Variants in NDC1 observed in about 807,000 individuals in gnomAD.
NDC1 encodes the protein nucleoporin NDC1.
In NDC1, 24 loss-of-function variants were observed where a neutral mutation model predicts 89.8. The observed-to-expected ratio is 0.27, with a 90% CI of 0.19 to 0.38. The LOEUF (loss-of-function observed/expected upper bound fraction) is 0.38, where lower values mean the gene tolerates loss of function less well. Among genes scored for constraint, NDC1 ranks in the 10% least tolerant of loss-of-function variants. The pLI, the probability that NDC1 is intolerant of heterozygous loss-of-function variation, is 1.00. For synonymous variants in NDC1, 296 were observed against 284.8 expected (o/e 1.04, Z -0.39); for missense variants, 728 against 797.6 (o/e 0.91, Z 1.05).
chr1:53,827,936 T>C (rs1407408309), intron 4 of NDC1, 63 bp downstream of exon 4: 1 of 1,335,142 alleles, frequency 7.5e-7, no homozygotes, highest in South Asian at 1.7e-5. Context: ...GATTAACCTA[T>C]ATAGGTCACC....
In NDC1 at chr1:53,765,605, A is replaced by C. The variant is rs1315028143; in HGVS notation, c.*2365T>G. 1 of 152,300 alleles carries C rather than the reference A, an allele frequency of 6.6e-6. No homozygotes were observed. Among genetic ancestry groups the C allele is most frequent in the East Asian group, 1.9e-4 (1 of 5,186 alleles). The allele number at this position is 152,300 out of a possible 1,614,324, so 9.4% of individuals were successfully genotyped here. A position where few individuals can be genotyped will look rare whatever the true frequency, so the allele number is the denominator to read the frequency against. ...ACAATTACCAAGGAACAAATCCTGC[A>C]AAGTAACAAATTGTTGCTTATCCAT... On this transcript the variant is annotated 3_prime_UTR_variant, in exon 18 of 18. Coordinates refer to ENST00000371429, the MANE Select transcript of NDC1 (RefSeq NM_018087.5).
At chr1:53,824,946 G>A (rs12564079) in intron 5 of NDC1, among the ~76,000 whole-genome samples, 1 of 152,052 alleles carries the variant, frequency 6.6e-6, no homozygotes, top group East Asian at 1.9e-4. Context: ...GATCAACACA[G>A]GCAGATAGCT....
intron 5 of NDC1, among the ~76,000 whole-genome samples, chr1:53,824,872 A>C (rs1466128349): frequency 6.6e-6 from 1 of 152,188 alleles, no homozygotes; most frequent in Admixed American, 6.5e-5. Flanking sequence ...CAAGGTTCTA[A>C]GTTCAAAAAG....
At position 53,806,446 on chromosome 1, in the gene NDC1, G is replaced by C. The variant is rs756920484; in HGVS notation, c.963C>G (p.Ser321Arg). ...SDECLPKVLN[S>R]NPPPIIKYLA... The stretch of plus-strand genomic sequence containing the variant: ...ATACCTTTATGATGGGGGGAGGATT[G>C]CTATTTAACACTTTTGGAAGGCACT... Residue 321 changes from serine to arginine, a missense_variant, in exon 9 of 18, where the codon AGC (serine) becomes AGG (arginine). Physicochemically the swap from Ser to Arg is moderately radical, Grantham distance 110. Coordinates refer to ENST00000371429, the MANE Select transcript of NDC1 (RefSeq NM_018087.5). The C allele has an allele frequency of 1.3e-6, 2 of 1,541,324 alleles. No individual in the cohort carries two copies. Among genetic ancestry groups the C allele is most frequent in the Non-Finnish European group, 1.7e-6 (2 of 1,151,858 alleles).
In NDC1 at chr1:53,772,120, T is replaced by C. The variant is rs1647118516; in HGVS notation, c.1961+209A>G. Among the ~76,000 whole-genome samples the C allele has an allele frequency of 2.0e-5, 3 of 152,266 alleles. No individual in the cohort carries two copies. In the South Asian group the frequency reaches 6.2e-4, roughly 32 times the overall value. ...ATTTATAACTTTCTGTCTTCTTTTG[T>C]CCATTTGAAAGAAATCCCCAAAGCT... On this transcript the variant is annotated intron_variant, in intron 17 of 17. Transcript: ENST00000371429.
intron 5 of NDC1, 35 bp from the exon 6 acceptor site, chr1:53,819,114 T>G: frequency 1.0e-6 from 1 of 989,544 alleles, no homozygotes; most frequent in Non-Finnish European, 1.6e-6. Flanking sequence ...AATGACACAT[T>G]CAAATCAAAT....
intron 5 of NDC1, among the ~76,000 whole-genome samples, chr1:53,821,883 C>T (rs1187659029): frequency 6.6e-6 from 1 of 152,220 alleles, no homozygotes; most frequent in African/African-American, 2.4e-5. Flanking sequence ...GTCTTGTTGG[C>T]ATAGTTGTCT....
At chr1:53,807,937 T>C (rs1648170114) in intron 7 of NDC1, 146 bp from the exon 8 acceptor site, 1 of 771,162 alleles carries the variant, frequency 1.3e-6, no homozygotes, top group Admixed American at 3.1e-5. Flanking sequence ...TATAAAGCTC[T>C]TTCCCTAATA....
chr1:53,798,420 G>A (rs1305431954), intron 11 of NDC1, among the ~76,000 whole-genome samples: 1 of 151,496 alleles, frequency 6.6e-6, no homozygotes, highest in East Asian at 1.9e-4. Context: ...GCCCACCTCG[G>A]CCTCCCAAAA....
intron 10 of NDC1, among the ~76,000 whole-genome samples, chr1:53,803,690 G>C (rs1648001742): frequency 6.6e-6 from 1 of 152,152 alleles, no homozygotes; most frequent in Admixed American, 6.5e-5. Context: ...TCCCGCCTCA[G>C]CCTTTCCAGC....
At chr1:53,809,591 TA>T in intron 7 of NDC1, 103 bp downstream of exon 7, 4 of 816,832 alleles carry the variant, frequency 4.9e-6, no homozygotes, top group African/African-American at 1.7e-5. Flanking sequence ...ATACAATTTT[TA>T]AAAAAATGTT....
rs1414676750 is a variant in NDC1, at chr1:53,828,146, A to T, written c.308T>A (p.Leu103Gln). Residue 103 changes from leucine to glutamine, a missense_variant, in exon 4 of 18, where the codon CTA (leucine) becomes CAA (glutamine). Leu to Gln is a moderately radical substitution (Grantham distance 113, BLOSUM62 -2). Coordinates refer to ENST00000371429, the MANE Select transcript of NDC1 (RefSeq NM_018087.5). ...AVVPSIPCSR[L>Q]ALIGKIIHPQ... ...ATGAATGATCTTCCCTATCAGAGCT[A>T]GTCTGGAGCAAGGAATAGAAGGCAC... 6.2e-7 allele frequency: 1 copy of T among 1,614,114 alleles called. No individual in the cohort carries two copies. Among genetic ancestry groups the T allele is most frequent in the Admixed American group, 1.7e-5 (1 of 60,018 alleles).
intron 13 of NDC1, among the ~76,000 whole-genome samples, chr1:53,794,044 T>C (rs769575570): frequency 1.3e-5 from 2 of 151,888 alleles, no homozygotes; most frequent in Admixed American, 6.6e-5. Flanking sequence ...GGCACATTCA[T>C]AGCTCACTGC....
chr1:53,819,175 T>C (rs1648576550), intron 5 of NDC1, 96 bp from the exon 6 acceptor site: 2 of 651,652 alleles, frequency 3.1e-6, no homozygotes, highest in Admixed American at 3.5e-5. Flanking sequence ...ACAGTCTACA[T>C]AGAAAACATA....
chr1:53,784,715 C>T (rs756245081), intron 16 of NDC1, among the ~76,000 whole-genome samples: 29 of 151,952 alleles, frequency 1.9e-4, no homozygotes, highest in Non-Finnish European at 3.7e-4. Context: ...GGTGTGAACC[C>T]GGGAGGCACA....
At chr1:53,832,458 AT>A (rs1360472441) in intron 3 of NDC1, 31 bp downstream of exon 3, 1 of 1,117,440 alleles carries the variant, frequency 8.9e-7, no homozygotes, top group Non-Finnish European at 1.3e-6. Context: ...AAATTCGCAT[AT>A]TTCTAAGAAG....
intron 5 of NDC1, among the ~76,000 whole-genome samples, chr1:53,824,234 GAAAA>G (rs752108016): frequency 1.2e-5 from 1 of 83,970 alleles, no homozygotes; most frequent in Non-Finnish European, 2.4e-5. Context: ...AACCTTTCTC[GAAAA>G]AAAAAAAAAA....
In NDC1 at chr1:53,772,455, G is replaced by A; in HGVS notation, c.1835C>T (p.Ser612Phe). 1.2e-6 allele frequency: 2 copies of A among 1,613,382 alleles called. No individual in the cohort carries two copies. Among genetic ancestry groups the A allele is most frequent in the Non-Finnish European group, 1.7e-6 (2 of 1,179,520 alleles). ...TCCTGAAATCCGGGGTGGTTTACTG[G>A]AAGCATGAGGAAGCTTAAAGTACTT... Reference protein sequence around the residue: ...VDKYFKLPHASSKPPRISGSL... With the variant: ...VDKYFKLPHAFSKPPRISGSL... Residue 612 changes from serine (S) to phenylalanine (F), a missense_variant, in exon 17 of 18, where the codon TCC becomes TTC. Ser to Phe is a radical substitution (Grantham distance 155). Coordinates refer to ENST00000371429, the MANE Select transcript of NDC1 (RefSeq NM_018087.5).
At chr1:53,783,170 A>C (rs1435518903) in intron 16 of NDC1, among the ~76,000 whole-genome samples, 3 of 152,040 alleles carry the variant, frequency 2.0e-5, no homozygotes, top group Non-Finnish European at 4.4e-5. Context: ...GTGGGTTGAG[A>C]GGGTATACAA....
Sources: allele counts gnomAD v4.1 joint callset (sites outside exome capture counted in the v4.1 genomes callset), GRCh38; gene constraint gnomAD v4.1.1; transcripts MANE v1.5; gene names NCBI Gene and HGNC (gene_info 2026-07-23, HGNC 2026-07-21).